Variants in AP1G1 observed in about 807,000 individuals in gnomAD.
AP1G1 encodes adaptor related protein complex 1 subunit gamma 1.
A neutral mutation model predicts 108.3 loss-of-function variants in AP1G1; 7 were observed. The observed-to-expected ratio is 0.06, with a 90% CI of 0.04 to 0.12. The LOEUF (loss-of-function observed/expected upper bound fraction) is 0.12, where lower values mean the gene tolerates loss of function less well. Ranked by LOEUF, AP1G1 falls within the 10% of genes least tolerant of loss-of-function variation. The pLI, the probability that AP1G1 is intolerant of heterozygous loss-of-function variation, is 1.00. For missense variants in AP1G1, 756 were observed against 1,010.7 expected (o/e 0.75, Z 3.42); for synonymous variants, 379 against 353.5 (o/e 1.07, Z -0.81).
chr16:71,738,556 G>C (rs142964541), intron 21 of AP1G1, among the ~76,000 whole-genome samples: 2 of 152,220 alleles, frequency 1.3e-5, no homozygotes, highest in Non-Finnish European at 2.9e-5. Flanking sequence ...GATAATACCA[G>C]ATAGACAAAG....
chr16:71,758,671 C>T (rs2030929676), intron 11 of AP1G1, 137 bp downstream of exon 11: 1 of 626,176 alleles, frequency 1.6e-6, no homozygotes, highest in Non-Finnish European at 2.9e-6. Flanking sequence ...CATCTGTGAA[C>T]ACAATGACTA....
intron 3 of AP1G1, 109 bp from the exon 4 acceptor site, chr16:71,773,471 A>T: frequency 9.0e-7 from 1 of 1,110,394 alleles, no homozygotes; most frequent in Non-Finnish European, 1.2e-6. Context: ...TAACAAAAAC[A>T]ATAGGATTAT....
chr16:71,805,816 C>CA (rs944581844), intron 1 of AP1G1, among the ~76,000 whole-genome samples: 1 of 152,076 alleles, frequency 6.6e-6, no homozygotes, highest in African/African-American at 2.4e-5. Context: ...AAGAGGATTG[C>CA]TTGAGCCCAG....
chr16:71,779,497 A>T (rs939004597), intron 2 of AP1G1, among the ~76,000 whole-genome samples: 6 of 151,400 alleles, frequency 4.0e-5, no homozygotes, highest in Admixed American at 4.0e-4. Context: ...CGTGCCACCA[A>T]CCCCAGCTAA....
At chr16:71,790,049 AAACT>A (rs1278277730) in intron 1 of AP1G1, among the ~76,000 whole-genome samples, 1 of 152,174 alleles carries the variant, frequency 6.6e-6, no homozygotes, top group African/African-American at 2.4e-5. Context: ...AGAAAAAAAT[AAACT>A]AACCTCAGAA....
chr16:71,771,423 C>G (rs969096517), intron 4 of AP1G1, among the ~76,000 whole-genome samples, 171 bp from the exon 5 acceptor site: 25 of 152,138 alleles, frequency 1.6e-4, no homozygotes, highest in Admixed American at 2.0e-4. Flanking sequence ...TGATAGCCCA[C>G]TCCTATAATC....
chr16:71,777,597 A>G, intron 2 of AP1G1: 1 of 400,532 alleles, frequency 2.5e-6, no homozygotes, highest in Admixed American at 2.8e-5. Flanking sequence ...GCCTGTTGGC[A>G]GGCGGTCATG....
At chr16:71,808,074 C>G in intron 1 of AP1G1, 1 of 1,179,438 alleles carries the variant, frequency 8.5e-7, no homozygotes, top group Non-Finnish European at 1.1e-6. Context: ...ACACAATCAA[C>G]CGAACCGTCC....
At chr16:71,735,748 TA>T (rs1208535870) in intron 21 of AP1G1, among the ~76,000 whole-genome samples, 2 of 152,028 alleles carry the variant, frequency 1.3e-5, no homozygotes, top group Non-Finnish European at 2.9e-5. Flanking sequence ...AAATCTTTCC[TA>T]AAAGTAGATT....
intron 6 of AP1G1, among the ~76,000 whole-genome samples, chr16:71,768,512 A>AAAAAAAAG (rs1214880401): frequency 2.7e-5 from 4 of 150,882 alleles, no homozygotes; most frequent in Admixed American, 2.0e-4. Context: ...AAAAAAAAAA[A>AAAAAAAAG]AGAGAGAAGG....
chr16:71,748,225 T>C, intron 16 of AP1G1, 26 bp downstream of exon 16: 2 of 1,595,610 alleles, frequency 1.3e-6, no homozygotes, highest in African/African-American at 1.4e-5. Flanking sequence ...AACAACCTGT[T>C]CACCCTATGT....
intron 5 of AP1G1, 157 bp downstream of exon 5, chr16:71,770,999 G>C (rs1008792088): frequency 3.6e-5 from 16 of 449,180 alleles, no homozygotes; most frequent in African/African-American, 3.0e-4. Flanking sequence ...TATGTGAGTG[G>C]AAAGACTTGT....
chr16:71,786,913 A>C (rs1484376673), intron 2 of AP1G1, among the ~76,000 whole-genome samples: 1 of 152,134 alleles, frequency 6.6e-6, no homozygotes, highest in Non-Finnish European at 1.5e-5. Context: ...AAATACAAAA[A>C]TTAGCCGGGT....
At chr16:71,794,491 T>C (rs1211446942) in intron 1 of AP1G1, among the ~76,000 whole-genome samples, 1 of 152,182 alleles carries the variant, frequency 6.6e-6, no homozygotes, top group African/African-American at 2.4e-5. Flanking sequence ...TTAATGTGTT[T>C]CAGTTTTTAT....
At chr16:71,771,834 T>C (rs2031583623) in intron 4 of AP1G1, among the ~76,000 whole-genome samples, 1 of 152,200 alleles carries the variant, frequency 6.6e-6, no homozygotes, top group Admixed American at 6.5e-5. Flanking sequence ...ATACTGTAAA[T>C]GCTATAAATC....
At chr16:71,798,853 A>G (rs192601525) in intron 1 of AP1G1, among the ~76,000 whole-genome samples, 18 of 151,864 alleles carry the variant, frequency 1.2e-4, no homozygotes, top group South Asian at 6.2e-4. Flanking sequence ...ACACCACTGC[A>G]CTCTAGCCTG....
At chr16:71,748,562 T>TA (rs973898864) in intron 15 of AP1G1, among the ~76,000 whole-genome samples, 184 bp from the exon 16 acceptor site, 12 of 151,044 alleles carry the variant, frequency 7.9e-5, no homozygotes, top group Admixed American at 4.6e-4. Flanking sequence ...TAGTTGGGGG[T>TA]AAAAAAAAGT....
rs577591844 is a variant in AP1G1, at chr16:71,762,304, T to TA, written c.919-738dup. Among the ~76,000 whole-genome samples, 23 of 152,308 alleles carry TA rather than the reference T, an allele frequency of 1.5e-4. No individual in the cohort carries two copies. In the South Asian group the frequency reaches 4.1e-3, roughly 27 times the overall value. On this transcript the variant is annotated intron_variant, in intron 9 of 22. Transcript: ENST00000299980. Reference sequence around the variant, plus strand: ...ATTCCACTTATATGAGGTACTGTGATATGGTGAAATACATATGTGGTTTTT... The same window carrying TA: ...ATTCCACTTATATGAGGTACTGTGATAATGGTGAAATACATATGTGGTTTTT...
At position 71,773,447 on chromosome 16, in the gene AP1G1, C is replaced by G; in HGVS notation, c.327-85G>C. On this transcript the variant is annotated intron_variant, in intron 3 of 22. Coordinates refer to ENST00000299980, the MANE Select transcript of AP1G1 (RefSeq NM_001128.6). ...AATTTCAAACTAGTTCAGGATGACTCAAGATTTCTCCAATAACAAAAACAA... is the reference window on the plus strand; with the variant it reads ...AATTTCAAACTAGTTCAGGATGACTGAAGATTTCTCCAATAACAAAAACAA... The G allele has an allele frequency of 3.1e-6, 4 of 1,305,970 alleles. No individual in the cohort carries two copies. The South Asian group carries it at 7.3e-5, about 24-fold the overall frequency. The allele number at this position is 1,305,970 out of a possible 1,614,324, so 80.9% of individuals were successfully genotyped here.
Sources: gnomAD v4.1 joint callset for allele counts (sites outside exome capture counted in the v4.1 genomes callset) on GRCh38, gnomAD v4.1.1 for gene constraint, MANE v1.5 for transcripts, NCBI Gene and HGNC (gene_info 2026-07-23, HGNC 2026-07-21) for gene names.